Variants in HYAL4 observed in about 807,000 individuals in gnomAD.
HYAL4 encodes hyaluronidase 4, also known as hyaluronidase-4.
In HYAL4, 37 loss-of-function variants were observed where a neutral mutation model predicts 35.2. The observed-to-expected ratio is 1.05, with a 90% confidence interval of 0.81 to 1.38. The LOEUF is 1.38. Ranked by LOEUF, HYAL4 falls within the 40% of genes most tolerant of loss-of-function variation. The pLI is 0.00. For missense variants in HYAL4, 572 were observed against 572.4 expected, an observed-to-expected ratio of 1.00 and a Z score of 0.01; for synonymous variants, 198 against 203.2, an observed-to-expected ratio of 0.97 and a Z score of 0.22.
chr7:123,833,167 A>T (rs1354495342), intron 1 of HYAL4, among the ~76,000 whole-genome samples: 3 of 152,200 alleles, frequency 2.0e-5, no homozygotes, highest in Admixed American at 1.3e-4. Flanking sequence ...ACTGCTTTCC[A>T]TAGTGATTGT....
chr7:123,782,564 T>A, the HYAL4 span, among the ~76,000 whole-genome samples: 26 of 152,128 alleles, frequency 1.7e-4, no homozygotes, highest in African/African-American at 6.0e-4. Context: ...TACATCCTGA[T>A]TTTCCTGGCA....
At chr7:123,817,364 A>G in the HYAL4 span, among the ~76,000 whole-genome samples, 5 of 151,410 alleles carry the variant, frequency 3.3e-5, no homozygotes, top group Non-Finnish European at 7.4e-5. Context: ...TTTCCAAATA[A>G]CTCTTCAATC....
chr7:123,788,375 T>C, the HYAL4 span, among the ~76,000 whole-genome samples: 1 of 152,234 alleles, frequency 6.6e-6, no homozygotes, highest in African/African-American at 2.4e-5. Flanking sequence ...CATTAAAATA[T>C]GAAACTAGTT....
the HYAL4 span, chr7:123,814,064 C>T: frequency 6.6e-6 from 1 of 152,062 alleles, no homozygotes; most frequent in Admixed American, 6.6e-5. Context: ...ACTTAAGAGA[C>T]ATTTGACTCC....
At chr7:123,844,249 G>A (rs1190163721), upstream of HYAL4, 1 of 152,164 alleles carries the variant, frequency 6.6e-6, no homozygotes, top group African/African-American at 2.4e-5. Flanking sequence ...TAACAGTCAG[G>A]TCCCTCAGCT....
Position 123,868,562 on chromosome 7 carries a change from T to C in HYAL4, c.289T>C (p.Tyr97His), listed in dbSNP as rs771597662. The C allele has an allele frequency of 6.2e-7, 1 of 1,613,846 alleles. No homozygotes were observed. Among genetic ancestry groups the C allele is most frequent in the Admixed American group, 1.7e-5 (1 of 59,978 alleles). ...TATATTTTATGTCAACAGATTGGGATACTATCCGTGGTATACATCACAAGG... is the reference window on the plus strand; with the variant it reads ...TATATTTTATGTCAACAGATTGGGACACTATCCGTGGTATACATCACAAGG... Reference protein sequence around the residue: ...VTIFYVNRLGYYPWYTSQGVP... With the variant: ...VTIFYVNRLGHYPWYTSQGVP... Residue 97 changes from tyrosine to histidine, a missense_variant, in exon 3 of 5, where the codon TAC becomes CAC. Transcript: ENST00000223026.
chr7:123,773,629 G>C, the HYAL4 span, among the ~76,000 whole-genome samples: 1 of 152,280 alleles, frequency 6.6e-6, no homozygotes, highest in African/African-American at 2.4e-5. Flanking sequence ...TTACCTTGGG[G>C]TGTGTGCATG....
At position 123,877,131 on chromosome 7, in the gene HYAL4, A is replaced by G. The variant is rs757283357; in HGVS notation, c.1422A>G (p.Ala474=). 34 of 1,613,640 alleles carry G rather than the reference A, an allele frequency of 2.1e-5. No homozygotes were observed. In the East Asian group the frequency reaches 7.1e-4, roughly 34 times the overall value. Residue 474 remains alanine (A), a synonymous_variant, in exon 5 of 5, where the codon GCA becomes GCG. Transcript: ENST00000223026. ...SLMTLCLLLL[A]SYRSIQL ...TGACACTTTGTCTACTGCTTTTAGC[A>G]AGTTATCGAAGCATTCAGTTGTGAG...
chr7:123,852,432 G>C (rs1482064163), intron 2 of HYAL4, among the ~76,000 whole-genome samples: 1 of 152,070 alleles, frequency 6.6e-6, no homozygotes, highest in Non-Finnish European at 1.5e-5. Flanking sequence ...GTAAGGAAGG[G>C]GTCTAGTTTC....
At chr7:123,777,443 A>T in the HYAL4 span, among the ~76,000 whole-genome samples, 3 of 152,344 alleles carry the variant, frequency 2.0e-5, no homozygotes, top group African/African-American at 7.2e-5. Flanking sequence ...AAAATTAAAA[A>T]TTATACATGT....
At chr7:123,831,279 TGCA>T in intron 1 of HYAL4, among the ~76,000 whole-genome samples, 1 of 152,312 alleles carries the variant, frequency 6.6e-6, no homozygotes, top group Non-Finnish European at 1.5e-5. Flanking sequence ...CATGCTGTGA[TGCA>T]GCATGAAAGC....
chr7:123,857,669 G>GTTTCTTTC (rs200221721), intron 2 of HYAL4, among the ~76,000 whole-genome samples: 2,910 of 124,454 alleles, frequency 0.023, 47 homozygotes, highest in East Asian at 0.044. Flanking sequence ...TTCTTTGTTT[G>GTTTCTTTC]TTTCTTTCTT....
chr7:123,802,863 T>C, the HYAL4 span, among the ~76,000 whole-genome samples: 30 of 152,250 alleles, frequency 2.0e-4, no homozygotes, highest in African/African-American at 6.8e-4. Flanking sequence ...TATACTACTA[T>C]ATTACACTAC....
chr7:123,799,880 C>G, the HYAL4 span, among the ~76,000 whole-genome samples: 1 of 151,634 alleles, frequency 6.6e-6, no homozygotes, highest in Non-Finnish European at 1.5e-5. Context: ...AGAAGTCTTG[C>G]CTGGACTTGG....
At chr7:123,800,848 A>G in the HYAL4 span, among the ~76,000 whole-genome samples, 1 of 151,604 alleles carries the variant, frequency 6.6e-6, no homozygotes, top group Non-Finnish European at 1.5e-5. Flanking sequence ...TTTAGCAGAG[A>G]CGGGGTTTTA....
chr7:123,804,558 C>T, the HYAL4 span, among the ~76,000 whole-genome samples: 1 of 151,908 alleles, frequency 6.6e-6, no homozygotes, highest in East Asian at 1.9e-4. Flanking sequence ...AAAGTTAGCA[C>T]TCGTGCTATT....
At chr7:123,854,764 C>T (rs1392197733) in intron 2 of HYAL4, among the ~76,000 whole-genome samples, 1 of 152,050 alleles carries the variant, frequency 6.6e-6, no homozygotes, top group African/African-American at 2.4e-5. Flanking sequence ...GAGTTTAAGT[C>T]CAGAATATCC....
intron 2 of HYAL4, among the ~76,000 whole-genome samples, chr7:123,851,718 T>C (rs1031849467): frequency 6.6e-6 from 1 of 152,202 alleles, no homozygotes; most frequent in African/African-American, 2.4e-5. Flanking sequence ...GATGTGTCTT[T>C]ATAGTAGAAT....
intron 3 of HYAL4, among the ~76,000 whole-genome samples, chr7:123,874,036 A>G (rs143089579): frequency 1.6e-4 from 24 of 152,280 alleles, no homozygotes; most frequent in African/African-American, 5.8e-4. Flanking sequence ...GGCATGTTGC[A>G]AAATGGAAAA....
Sources: gnomAD v4.1 joint callset for allele counts (sites outside exome capture counted in the v4.1 genomes callset) on GRCh38, gnomAD v4.1.1 for gene constraint, MANE v1.5 for transcripts, NCBI Gene and HGNC (gene_info 2026-07-23, HGNC 2026-07-21) for gene names.